CDH18: variants seen among roughly 807,000 people sequenced by gnomAD.
CDH18 encodes the protein cadherin 18.
Under a neutral mutation model 67.9 loss-of-function variants are expected in CDH18, and 31 were observed. That is an observed-to-expected ratio of 0.46 (90% CI 0.34 to 0.62). CDH18 has a LOEUF of 0.62. Among genes scored for constraint, CDH18 ranks in the 20% least tolerant of loss-of-function variants. CDH18 has a pLI of 0.01. For missense variants in CDH18, 890 were observed against 975.5 expected (o/e 0.91, Z 1.17); for synonymous variants, 362 against 347.2 (o/e 1.04, Z -0.48).
chr5:19,490,394 G>GGTTTTTTTTTTTTTTTTTTT (rs1741223437), intron 11 of CDH18, among the ~76,000 whole-genome samples: 1 of 60,210 alleles, frequency 1.7e-5, no homozygotes, highest in African/African-American at 6.7e-5. Context: ...ATAAAAATCT[G>GGTTTTTTTTTTTTTTTTTTT]TTTTTTTTTT....
chr5:20,152,191 T>C lies in CDH18; in HGVS notation c.-518+103253A>G, dbSNP rs10050376. Among the ~76,000 whole-genome samples, 11 of 105,350 alleles carry C rather than the reference T, an allele frequency of 1.0e-4. No homozygotes were observed. The South Asian group carries it at 3.1e-3, about 30-fold the overall frequency. The allele number at this position is 105,350 out of a possible 152,430, so 69.1% of individuals were successfully genotyped here. A position where few individuals can be genotyped will look rare whatever the true frequency, so the allele number is the denominator to read the frequency against. On this transcript the variant is annotated intron_variant, in intron 2 of 14. Coordinates refer to the CDH18 transcript ENST00000507958. ...ATAAAATACATATAATTATATATAA[T>C]ATATATAATTATATATAATATAGAT...
chr5:20,538,569 G>T (rs889185926), intron 1 of CDH18, among the ~76,000 whole-genome samples: 5 of 152,104 alleles, frequency 3.3e-5, no homozygotes, highest in Non-Finnish European at 7.4e-5. Flanking sequence ...AGCATCTCAT[G>T]CAGAATAATG....
At chr5:20,323,182 A>G (rs1230471612) in intron 1 of CDH18, among the ~76,000 whole-genome samples, 1 of 152,164 alleles carries the variant, frequency 6.6e-6, no homozygotes, top group Non-Finnish European at 1.5e-5. Context: ...TAATCATCAC[A>G]ATGAAATGTC....
chr5:20,394,267 C>T (rs548053772), intron 1 of CDH18, among the ~76,000 whole-genome samples: 1 of 152,052 alleles, frequency 6.6e-6, no homozygotes, highest in East Asian at 1.9e-4. Flanking sequence ...ATAGTTACAA[C>T]CAATTTGTCT....
chr5:20,509,855 G>C (rs1008229455), intron 1 of CDH18, among the ~76,000 whole-genome samples: 2 of 152,158 alleles, frequency 1.3e-5, no homozygotes, highest in Non-Finnish European at 2.9e-5. Context: ...GTGAACATGG[G>C]AGTGCATCTG....
chr5:19,905,639 A>T (rs1048084302), intron 2 of CDH18, among the ~76,000 whole-genome samples: 1 of 152,042 alleles, frequency 6.6e-6, no homozygotes, highest in South Asian at 2.1e-4. Flanking sequence ...TTATTTTTTT[A>T]CCTATATATA....
chr5:20,378,294 C>G (rs1349696118), intron 1 of CDH18, among the ~76,000 whole-genome samples: 2 of 152,134 alleles, frequency 1.3e-5, no homozygotes, highest in Admixed American at 6.5e-5. Context: ...GCCTCAGCCT[C>G]CCTAGTAGCT....
chr5:20,318,379 TA>T (rs1737661891), intron 1 of CDH18, among the ~76,000 whole-genome samples: 2 of 152,184 alleles, frequency 1.3e-5, no homozygotes, highest in Admixed American at 1.3e-4. Flanking sequence ...AAAACCTCTC[TA>T]AAGTGCCCGG....
chr5:20,055,990 C>CTTTTTT (rs34736791), intron 2 of CDH18, among the ~76,000 whole-genome samples: 31 of 73,794 alleles, frequency 4.2e-4, no homozygotes, highest in Non-Finnish European at 6.5e-4. Context: ...TTTTGGTTTC[C>CTTTTTT]TTTTTTTTTT....
At chr5:20,295,530 C>T (rs907836093) in intron 1 of CDH18, among the ~76,000 whole-genome samples, 1 of 152,038 alleles carries the variant, frequency 6.6e-6, no homozygotes, top group African/African-American at 2.4e-5. Context: ...AGATCAAGAC[C>T]GTCCTGGCCA....
At chr5:20,231,900 T>C (rs1742106851) in intron 2 of CDH18, among the ~76,000 whole-genome samples, 1 of 152,058 alleles carries the variant, frequency 6.6e-6, no homozygotes, top group Admixed American at 6.6e-5. Context: ...ATTATAGTAA[T>C]AGTAACTTTT....
At chr5:20,103,413 C>A (rs968533675) in intron 2 of CDH18, among the ~76,000 whole-genome samples, 5 of 151,838 alleles carry the variant, frequency 3.3e-5, no homozygotes, top group African/African-American at 1.2e-4. Flanking sequence ...AAGAATGATA[C>A]CACTTTTAGG....
intron 2 of CDH18, among the ~76,000 whole-genome samples, chr5:20,254,771 C>T (rs978716840): frequency 6.6e-6 from 1 of 152,056 alleles, no homozygotes; most frequent in African/African-American, 2.4e-5. Flanking sequence ...TGTGTATATA[C>T]CCAAAGGAAA....
intron 2 of CDH18, among the ~76,000 whole-genome samples, chr5:20,007,583 T>C (rs1737007163): frequency 6.6e-6 from 1 of 151,700 alleles, no homozygotes; most frequent in Non-Finnish European, 1.5e-5. Flanking sequence ...AGAAAGAAAG[T>C]GTGAATAGTG....
chr5:20,559,031 C>A (rs1253643908), intron 1 of CDH18, among the ~76,000 whole-genome samples: 1 of 150,398 alleles, frequency 6.6e-6, no homozygotes, highest in Non-Finnish European at 1.5e-5. Context: ...AAGCCAAAAC[C>A]ATTGCTTACC....
chr5:19,474,458 T>C (rs1738101766), intron 12 of CDH18, among the ~76,000 whole-genome samples: 1 of 152,118 alleles, frequency 6.6e-6, no homozygotes, highest in Non-Finnish European at 1.5e-5. Context: ...GAGGTTGCAA[T>C]TTTTTGTGTG....
At chr5:19,616,776 CT>C (rs1252129843) in intron 5 of CDH18, among the ~76,000 whole-genome samples, 2 of 152,148 alleles carry the variant, frequency 1.3e-5, no homozygotes, top group African/African-American at 4.8e-5. Context: ...ATTTCTCACA[CT>C]TCCAGAAGCT....
chr5:19,981,989 C>T (rs1799090522), intron 1 of CDH18, among the ~76,000 whole-genome samples: 1 of 152,116 alleles, frequency 6.6e-6, no homozygotes, highest in African/African-American at 2.4e-5. Context: ...GCTTTCTTCC[C>T]AAACAGATGG....
intron 3 of CDH18, among the ~76,000 whole-genome samples, chr5:19,837,601 T>C (rs1438510152): frequency 3.3e-5 from 5 of 152,116 alleles, no homozygotes; most frequent in African/African-American, 7.2e-5. Context: ...ACAATTGTTT[T>C]AGATCTTTTT....
Sources: gnomAD v4.1 joint callset for allele counts (sites outside exome capture counted in the v4.1 genomes callset) on GRCh38, gnomAD v4.1.1 for gene constraint, MANE v1.5 for transcripts, NCBI Gene and HGNC (gene_info 2026-07-23, HGNC 2026-07-21) for gene names.